Variants in ACTR3C observed in about 807,000 individuals in gnomAD.
ACTR3C encodes actin related protein 3C.
Under a neutral mutation model 26.3 loss-of-function variants are expected in ACTR3C, and 18 were observed. That is an observed-to-expected ratio of 0.68 (90% CI 0.47 to 1.01). The LOEUF is 1.01. Among genes scored for constraint, ACTR3C ranks in the 50% least tolerant of loss-of-function variants. The probability of loss-of-function intolerance (pLI) is 0.00; values close to 1 mark genes in which losing one functional copy is unlikely to be tolerated. For missense variants in ACTR3C, 184 were observed against 250.7 expected, an observed-to-expected ratio of 0.73 and a Z score of 1.80; for synonymous variants, 55 against 94.5, an observed-to-expected ratio of 0.58 and a Z score of 2.42.
chr7:150,272,549 A>T (rs1292165667), intron 6 of ACTR3C, among the ~76,000 whole-genome samples: 1 of 139,930 alleles, frequency 7.1e-6, no homozygotes. Flanking sequence ...AAAAGCAGAA[A>T]AAAAGAGAAA....
the ACTR3C span, among the ~76,000 whole-genome samples, chr7:150,057,869 G>A: frequency 6.6e-6 from 1 of 152,210 alleles, no homozygotes; most frequent in Non-Finnish European, 1.5e-5. Flanking sequence ...TATAGGAAGA[G>A]AATAAAAGCA....
the ACTR3C span, among the ~76,000 whole-genome samples, chr7:150,161,483 C>T: frequency 2.5e-4 from 38 of 151,682 alleles, no homozygotes; most frequent in African/African-American, 3.4e-4. Context: ...TTTGTCCTTG[C>T]GGTAGTTTGC....
At chr7:150,181,080 G>A in the ACTR3C span, among the ~76,000 whole-genome samples, 19 of 151,038 alleles carry the variant, frequency 1.3e-4, 1 homozygote, top group African/African-American at 4.7e-4. Flanking sequence ...TGATGTAAAT[G>A]ACTAGCAAGA....
At chr7:150,065,498 A>G in the ACTR3C span, among the ~76,000 whole-genome samples, 1 of 152,228 alleles carries the variant, frequency 6.6e-6, no homozygotes. Flanking sequence ...TACCTTGTCC[A>G]TTGAACCCCA....
the ACTR3C span, among the ~76,000 whole-genome samples, chr7:149,991,932 CACACACACA>C: frequency 6.7e-6 from 1 of 149,202 alleles, no homozygotes; most frequent in Non-Finnish European, 1.5e-5. Flanking sequence ...GTTATGTAAG[CACACACACA>C]GAGGTGTGCC....
At chr7:150,277,983 G>A (rs998313189) in intron 6 of ACTR3C, among the ~76,000 whole-genome samples, 1 of 152,186 alleles carries the variant, frequency 6.6e-6, no homozygotes, top group Non-Finnish European at 1.5e-5. Flanking sequence ...GGATATGCCT[G>A]TCTTTCCTCG....
the ACTR3C span, among the ~76,000 whole-genome samples, chr7:150,143,641 A>G: frequency 6.6e-6 from 1 of 152,180 alleles, no homozygotes. Flanking sequence ...GATATTCTGG[A>G]AAAGGCAAAA....
At chr7:150,013,569 T>C in the ACTR3C span, among the ~76,000 whole-genome samples, 1 of 152,214 alleles carries the variant, frequency 6.6e-6, no homozygotes, top group African/African-American at 2.4e-5. Context: ...GCATGGAACC[T>C]GGGATTGGCC....
chr7:150,226,488 G>A, the ACTR3C span, among the ~76,000 whole-genome samples: 1 of 152,164 alleles, frequency 6.6e-6, no homozygotes, highest in Non-Finnish European at 1.5e-5. Context: ...CTAGACTGGA[G>A]TGCAGTGGTA....
chr7:150,012,508 G>T, the ACTR3C span, among the ~76,000 whole-genome samples: 1 of 149,592 alleles, frequency 6.7e-6, no homozygotes, highest in African/African-American at 2.5e-5. Context: ...GTAGAGATGG[G>T]GTTTCACCAT....
chr7:150,084,253 A>C, the ACTR3C span, among the ~76,000 whole-genome samples: 1 of 152,164 alleles, frequency 6.6e-6, no homozygotes, highest in Non-Finnish European at 1.5e-5. Flanking sequence ...AAAAAAAATA[A>C]ACCTACTTTA....
At chr7:150,064,013 A>G in the ACTR3C span, among the ~76,000 whole-genome samples, 2 of 151,866 alleles carry the variant, frequency 1.3e-5, no homozygotes, top group Non-Finnish European at 2.9e-5. Flanking sequence ...GAACGGGTAA[A>G]ATGCGAAGTG....
the ACTR3C span, among the ~76,000 whole-genome samples, chr7:150,003,451 G>T: frequency 1.3e-5 from 2 of 152,284 alleles, no homozygotes; most frequent in African/African-American, 4.8e-5. Flanking sequence ...GTACTGTGGG[G>T]TGTGTAGTAT....
the ACTR3C span, among the ~76,000 whole-genome samples, chr7:150,173,333 T>C: frequency 6.8e-6 from 1 of 146,904 alleles, no homozygotes; most frequent in African/African-American, 2.7e-5. Flanking sequence ...ATGTGGAAGC[T>C]GCCAAGGCTT....
chr7:150,062,279 T>C, the ACTR3C span: 1 of 53,518 alleles, frequency 1.9e-5, no homozygotes, highest in Non-Finnish European at 3.6e-5. Context: ...ATTTAAAATC[T>C]GTTATAAAAT....
chr7:150,314,150 G>A (rs1796587308), intron 1 of ACTR3C, among the ~76,000 whole-genome samples: 1 of 152,180 alleles, frequency 6.6e-6, no homozygotes, highest in African/African-American at 2.4e-5. Flanking sequence ...CTGTATACGT[G>A]TCTCCTAGGG....
the ACTR3C span, among the ~76,000 whole-genome samples, chr7:149,919,470 C>T: frequency 6.6e-6 from 1 of 152,090 alleles, no homozygotes; most frequent in Non-Finnish European, 1.5e-5. Context: ...CGAACTCTGA[C>T]CTCAAGTGAT....
chr7:149,901,008 G>A, the ACTR3C span, among the ~76,000 whole-genome samples: 2 of 152,268 alleles, frequency 1.3e-5, no homozygotes, highest in African/African-American at 4.8e-5. Flanking sequence ...ACTCCAGCCT[G>A]GGCAACAAAG....
chr7:150,034,814 G>A, the ACTR3C span, among the ~76,000 whole-genome samples: 2 of 143,746 alleles, frequency 1.4e-5, no homozygotes, highest in African/African-American at 5.4e-5. Context: ...CCCGCCTCGT[G>A]GGGGGTGCCT....
Sources: gnomAD v4.1 joint callset for allele counts (sites outside exome capture counted in the v4.1 genomes callset) on GRCh38, gnomAD v4.1.1 for gene constraint, MANE v1.5 for transcripts, NCBI Gene and HGNC (gene_info 2026-07-23, HGNC 2026-07-21) for gene names.